The following NCOA6 variants were observed in gnomAD, a reference collection of about 807,000 sequenced individuals.
NCOA6 encodes the protein NRC RAP250.
In NCOA6, 49 loss-of-function variants were observed where a neutral mutation model predicts 171.4. The ratio of observed to expected loss-of-function variants is 0.29; its 90% CI spans 0.23 to 0.36. NCOA6 has a LOEUF of 0.36. Among genes scored for constraint, NCOA6 ranks in the 10% least tolerant of loss-of-function variants. The pLI is 1.00. For missense variants in NCOA6, 2,248 were observed against 2,554.5 expected, an observed-to-expected ratio of 0.88 and a Z score of 2.59; for synonymous variants, 910 against 927.5, an observed-to-expected ratio of 0.98 and a Z score of 0.34.
intron 5 of NCOA6, 99 bp from the exon 6 acceptor site, chr20:34,759,032 T>TC: frequency 7.4e-7 from 1 of 1,357,294 alleles, no homozygotes; most frequent in East Asian, 2.4e-5. Flanking sequence ...AAAATTTGTT[T>TC]TTTTTTTTTT....
intron 1 of NCOA6, among the ~76,000 whole-genome samples, chr20:34,807,317 C>G (rs1473139790): frequency 6.6e-6 from 1 of 152,152 alleles, no homozygotes; most frequent in East Asian, 1.9e-4. Flanking sequence ...GATGAGACAC[C>G]AGCCCTGGCT....
intron 12 of NCOA6, among the ~76,000 whole-genome samples, chr20:34,734,699 T>A (rs371457165): frequency 6.6e-6 from 1 of 150,956 alleles, no homozygotes; most frequent in South Asian, 2.1e-4. Flanking sequence ...TTGCCCAGGG[T>A]GGAGTTCAAT....
At chr20:34,730,028 G>A (rs1282369935) in intron 13 of NCOA6, among the ~76,000 whole-genome samples, 1 of 151,818 alleles carries the variant, frequency 6.6e-6, no homozygotes, top group Non-Finnish European at 1.5e-5. Context: ...TCAGAAAATG[G>A]TCAAAGCTTC....
At chr20:34,761,270 G>C (rs917985123) in intron 5 of NCOA6, among the ~76,000 whole-genome samples, 1 of 151,934 alleles carries the variant, frequency 6.6e-6, no homozygotes, top group East Asian at 1.9e-4. Context: ...ATTTTCAGTT[G>C]GTGTTCTTTC....
intron 14 of NCOA6, among the ~76,000 whole-genome samples, chr20:34,715,942 C>T (rs1267085615): frequency 1.3e-5 from 2 of 152,138 alleles, no homozygotes; most frequent in Admixed American, 6.5e-5. Context: ...GAAGGCTGGG[C>T]GTGGTGGCTC....
chr20:34,747,870 T>C (rs2076353937), intron 9 of NCOA6, among the ~76,000 whole-genome samples: 1 of 152,214 alleles, frequency 6.6e-6, no homozygotes, highest in Non-Finnish European at 1.5e-5. Context: ...TGGTAACCTT[T>C]ACTTTCAGAA....
At chr20:34,762,634 CTT>C (rs1356779802) in intron 5 of NCOA6, among the ~76,000 whole-genome samples, 1 of 152,076 alleles carries the variant, frequency 6.6e-6, no homozygotes, top group African/African-American at 2.4e-5. Context: ...ACATACCTGA[CTT>C]AAAGTTTAAA....
chr20:34,810,550 C>CTTTTTTTTT (rs1201000875), intron 1 of NCOA6, among the ~76,000 whole-genome samples: 1 of 143,424 alleles, frequency 7.0e-6, no homozygotes, highest in African/African-American at 2.5e-5. Flanking sequence ...CATTTTTTTT[C>CTTTTTTTTT]TTTTTTTTTT....
rs1309578972 is a variant in NCOA6 at position 34,725,859 on chromosome 20, T to C, written c.6148+1400A>G. Among the ~76,000 whole-genome samples the C allele has an allele frequency of 2.6e-5, 4 of 152,190 alleles. No homozygotes were observed. In the South Asian group the frequency reaches 8.3e-4, roughly 32 times the overall value. On this transcript the variant is annotated intron_variant, in intron 14 of 14. Transcript: ENST00000359003. The stretch of plus-strand genomic sequence containing the variant: ...TGAGTCTGAGGTTCCAGTAAGGATG[T>C]GCATGCAGTTGTCTAAGATCTCTAG...
At chr20:34,735,291 C>A (rs1263663529) in intron 12 of NCOA6, among the ~76,000 whole-genome samples, 2 of 152,002 alleles carry the variant, frequency 1.3e-5, no homozygotes, top group Non-Finnish European at 2.9e-5. Context: ...CCATTCCTAC[C>A]CTTCTCAAAT....
intron 1 of NCOA6, among the ~76,000 whole-genome samples, chr20:34,795,917 A>T (rs372860797): frequency 6.6e-6 from 1 of 152,070 alleles, no homozygotes; most frequent in East Asian, 1.9e-4. Context: ...ACAAAGGTAG[A>T]TATTACAAAT....
At chr20:34,783,631 AT>A (rs2077575914) in intron 2 of NCOA6, among the ~76,000 whole-genome samples, 1 of 152,152 alleles carries the variant, frequency 6.6e-6, no homozygotes, top group East Asian at 1.9e-4. Flanking sequence ...ACATTGATTG[AT>A]TGATTGATTG....
At chr20:34,768,734 TG>T (rs2077053225) in intron 4 of NCOA6, 148 bp from the exon 5 acceptor site, 2 of 835,332 alleles carry the variant, frequency 2.4e-6, no homozygotes, top group Non-Finnish European at 3.6e-6. Flanking sequence ...TCAATGTAGA[TG>T]GGTCTTTCTT....
At chr20:34,731,624 C>T (rs1281013744) in intron 13 of NCOA6, among the ~76,000 whole-genome samples, 1 of 152,148 alleles carries the variant, frequency 6.6e-6, no homozygotes, top group Non-Finnish European at 1.5e-5. Flanking sequence ...TATTAACCTC[C>T]TCACAGGGAT....
At chr20:34,824,529 C>T (rs998606624) in intron 1 of NCOA6, among the ~76,000 whole-genome samples, 3 of 152,182 alleles carry the variant, frequency 2.0e-5, no homozygotes, top group Non-Finnish European at 4.4e-5. Context: ...CTGTCCCCTT[C>T]CAGGGAAGAC....
intron 2 of NCOA6, among the ~76,000 whole-genome samples, chr20:34,790,024 C>T (rs1420063411): frequency 6.7e-6 from 1 of 149,898 alleles, no homozygotes; most frequent in East Asian, 2.0e-4. Flanking sequence ...CACTTGAGGT[C>T]AGGAGTTCGA....
rs2077047565 is a variant in NCOA6 at position 34,768,526 on chromosome 20, C to T, written c.452G>A (p.Gly151Glu). ...QNRSQDVRMN[G>E]PMGAGNSVRM... is the part of the protein sequence containing the mutation. Reference sequence around the variant, plus strand: ...AACTGAATTTCCAGCTCCCATGGGTCCATTCATTCTCACATCTTGGCTTCG... The same window carrying T: ...AACTGAATTTCCAGCTCCCATGGGTTCATTCATTCTCACATCTTGGCTTCG... The change falls in exon 5 of 15, where the codon GGA (glycine) becomes GAA (glutamate). Residue 151 changes from glycine to glutamate, a missense_variant. By Grantham distance (98) the Gly-to-Glu change is moderately conservative (BLOSUM62 -2). Around this residue, in one of 7 missense-constraint regions of NCOA6, gnomAD observed 987 missense variants for 1,104.7 expected, o/e 0.89. Coordinates refer to ENST00000359003, the MANE Select transcript of NCOA6 (RefSeq NM_014071.5). The T allele has an allele frequency of 6.2e-7, 1 of 1,614,130 alleles. No individual in the cohort carries two copies. The highest frequency in any genetic ancestry group is 8.5e-7 in the Non-Finnish European group (1 of 1,180,004).
At chr20:34,808,233 C>T (rs1601123572) in intron 1 of NCOA6, among the ~76,000 whole-genome samples, 1 of 152,008 alleles carries the variant, frequency 6.6e-6, no homozygotes, top group South Asian at 2.1e-4. Context: ...TCCTCCTGCC[C>T]TACCTTCCCT....
intron 4 of NCOA6, among the ~76,000 whole-genome samples, chr20:34,772,094 G>A (rs6088596): frequency 6.6e-6 from 1 of 152,168 alleles, no homozygotes; most frequent in Non-Finnish European, 1.5e-5. Flanking sequence ...GGGAGGCCAA[G>A]GTGGGAGGAT....
Sources: gnomAD v4.1 joint callset for allele counts (sites outside exome capture counted in the v4.1 genomes callset) on GRCh38, gnomAD v4.1.1 for gene constraint, gnomAD v4.1.1 regional missense constraint, MANE v1.5 for transcripts, NCBI Gene and HGNC (gene_info 2026-07-23, HGNC 2026-07-21) for gene names.